The following HIVEP3 variants were observed in gnomAD, a reference collection of about 807,000 sequenced individuals.
HIVEP3 encodes transcription factor HIVEP3.
Under a neutral mutation model 152.8 loss-of-function variants are expected in HIVEP3, and 49 were observed. The ratio of observed to expected loss-of-function variants is 0.32; its 90% CI spans 0.26 to 0.41. HIVEP3 has a LOEUF of 0.41. Ranked by LOEUF, HIVEP3 falls within the 10% of genes least tolerant of loss-of-function variation. The pLI, the probability that HIVEP3 is intolerant of heterozygous loss-of-function variation, is 1.00. For missense variants in HIVEP3, 2,790 were observed against 3,103.3 expected (o/e 0.90, Z 2.40); for synonymous variants, 1,269 against 1,289.0 (o/e 0.98, Z 0.33).
intron 5 of HIVEP3, among the ~76,000 whole-genome samples, chr1:41,544,719 T>G (rs1257070685): frequency 1.3e-5 from 1 of 74,706 alleles, no homozygotes; most frequent in African/African-American, 5.7e-5. Context: ...CACTACCACC[T>G]GTACCACCAC....
chr1:41,617,453 T>G (rs1444551150), intron 3 of HIVEP3, among the ~76,000 whole-genome samples: 1 of 152,122 alleles, frequency 6.6e-6, no homozygotes, highest in Non-Finnish European at 1.5e-5. Flanking sequence ...CCTGGGGTGG[T>G]TGAGGACAGC....
At position 41,836,022 on chromosome 1, in the gene HIVEP3, G is replaced by T. The variant is rs569577980; in HGVS notation, c.-801+82391C>A. Among the ~76,000 whole-genome samples the T allele has an allele frequency of 1.1e-4, 16 of 152,280 alleles. No individual in the cohort carries two copies. The South Asian group carries it at 3.1e-3, about 30-fold the overall frequency. On this transcript the variant is annotated intron_variant, in intron 1 of 8. Transcript: ENST00000372583. ...CTAGATTATGTGATTTTTGTGAACAGGACAGTCCATGAACCCTGTGGCTGC... is the reference window on the plus strand; with the variant it reads ...CTAGATTATGTGATTTTTGTGAACATGACAGTCCATGAACCCTGTGGCTGC...
chr1:41,818,056 T>C (rs1431055791), intron 1 of HIVEP3, among the ~76,000 whole-genome samples: 1 of 152,144 alleles, frequency 6.6e-6, no homozygotes, highest in Non-Finnish European at 1.5e-5. Context: ...GGAGAAGGCA[T>C]CTGCGATGTC....
chr1:41,643,295 C>T (rs1645404264), intron 2 of HIVEP3, among the ~76,000 whole-genome samples: 1 of 152,250 alleles, frequency 6.6e-6, no homozygotes, highest in Non-Finnish European at 1.5e-5. Context: ...TTCTAACCCT[C>T]ATCCAGAGCT....
intron 3 of HIVEP3, among the ~76,000 whole-genome samples, chr1:41,626,618 G>A (rs765360142): frequency 6.6e-6 from 1 of 152,180 alleles, no homozygotes; most frequent in Non-Finnish European, 1.5e-5. Context: ...ACTAGTTCAA[G>A]TATCTGTTGT....
intron 8 of HIVEP3, 52 bp downstream of exon 8, chr1:41,512,764 C>A: frequency 7.1e-7 from 1 of 1,410,248 alleles, no homozygotes. Context: ...GAACTTGCAA[C>A]CCCTGCACCC....
At chr1:41,519,818 G>A (rs1041561220) in intron 6 of HIVEP3, among the ~76,000 whole-genome samples, 6 of 152,190 alleles carry the variant, frequency 3.9e-5, no homozygotes, top group African/African-American at 1.4e-4. Context: ...ATAGGCAGAC[G>A]GAGGATAGGT....
In HIVEP3 at chr1:41,510,219, GT is replaced by G. The variant is rs150626959; in HGVS notation, c.*231del. ...AGCCTCAGACTCCTCGTGGGTTGTTGTTTTTTTTTTAAATGTATGTATGTGA... is the reference window on the plus strand; with the variant it reads ...AGCCTCAGACTCCTCGTGGGTTGTTGTTTTTTTTTAAATGTATGTATGTGA... On this transcript the variant is annotated 3_prime_UTR_variant, in exon 9 of 9. Transcript: ENST00000372583. 1,213 of 351,470 alleles carry G rather than the reference GT, an allele frequency of 3.5e-3. 8 individuals are homozygous for G. The highest frequency in any genetic ancestry group is 0.012 in the African/African-American group (565 of 46,490). The allele number at this position is 351,470 out of a possible 1,614,324, so 21.8% of individuals were successfully genotyped here. A position where few individuals can be genotyped will look rare whatever the true frequency, so the allele number is the denominator to read the frequency against.
At chr1:41,682,676 A>T (rs1646058301) in intron 2 of HIVEP3, among the ~76,000 whole-genome samples, 1 of 152,136 alleles carries the variant, frequency 6.6e-6, no homozygotes, top group African/African-American at 2.4e-5. Flanking sequence ...GTGGTAGAGA[A>T]GTCTTAAGGG....
intron 1 of HIVEP3, among the ~76,000 whole-genome samples, chr1:41,777,558 G>A (rs1648785679): frequency 6.6e-6 from 1 of 152,178 alleles, no homozygotes; most frequent in Non-Finnish European, 1.5e-5. Flanking sequence ...CACCCCACTG[G>A]GGAGGTTCAC....
chr1:41,781,441 C>T (rs141496889), intron 1 of HIVEP3, among the ~76,000 whole-genome samples: 1 of 152,350 alleles, frequency 6.6e-6, no homozygotes, highest in Non-Finnish European at 1.5e-5. Context: ...GCTCCTGGGT[C>T]CTGTCTATTC....
chr1:41,933,673 A>T (rs1645006006), intron 1 of HIVEP3, among the ~76,000 whole-genome samples: 1 of 152,122 alleles, frequency 6.6e-6, no homozygotes, highest in Non-Finnish European at 1.5e-5. Flanking sequence ...ATGTGATTAT[A>T]GATATGGTCA....
intron 1 of HIVEP3, among the ~76,000 whole-genome samples, chr1:42,017,190 A>C (rs1645528189): frequency 6.6e-6 from 1 of 152,158 alleles, no homozygotes; most frequent in Non-Finnish European, 1.5e-5. Context: ...TTCTGAGATT[A>C]TAAAAAAAAA....
At chr1:41,859,011 C>A (rs753019924) in intron 1 of HIVEP3, among the ~76,000 whole-genome samples, 10 of 152,212 alleles carry the variant, frequency 6.6e-5, no homozygotes, top group Non-Finnish European at 1.0e-4. Flanking sequence ...GACCCCACTG[C>A]TTACTGGCTG....
chr1:41,758,215 C>T (rs1261331779), intron 1 of HIVEP3, among the ~76,000 whole-genome samples: 3 of 152,024 alleles, frequency 2.0e-5, no homozygotes, highest in Non-Finnish European at 4.4e-5. Flanking sequence ...ATTCCCAGGG[C>T]TCTGGTGTGA....
intron 3 of HIVEP3, among the ~76,000 whole-genome samples, chr1:41,618,531 C>T (rs555369884): frequency 5.9e-5 from 9 of 152,310 alleles, no homozygotes; most frequent in Admixed American, 2.0e-4. Flanking sequence ...GCCTGCCATC[C>T]TCGGGCACCA....
chr1:41,608,520 T>C (rs1237594999), intron 3 of HIVEP3, among the ~76,000 whole-genome samples: 1 of 152,196 alleles, frequency 6.6e-6, no homozygotes, highest in Non-Finnish European at 1.5e-5. Flanking sequence ...CTTGCTCTTC[T>C]GAAGGGCTCT....
chr1:41,569,180 T>C (rs759424200), intron 5 of HIVEP3, among the ~76,000 whole-genome samples: 2 of 152,160 alleles, frequency 1.3e-5, no homozygotes, highest in Non-Finnish European at 2.9e-5. Flanking sequence ...CTCTTTTCTT[T>C]ATAAATTTCC....
At chr1:41,658,450 A>G (rs1645661008) in intron 2 of HIVEP3, among the ~76,000 whole-genome samples, 1 of 152,208 alleles carries the variant, frequency 6.6e-6, no homozygotes, top group Admixed American at 6.5e-5. Flanking sequence ...GACTAGGGAC[A>G]CAGAAGCAGA....
Sources: gnomAD v4.1 joint callset for allele counts (sites outside exome capture counted in the v4.1 genomes callset) on GRCh38, gnomAD v4.1.1 for gene constraint, MANE v1.5 for transcripts, NCBI Gene and HGNC (gene_info 2026-07-23, HGNC 2026-07-21) for gene names.